NALF1: variants seen among roughly 807,000 people sequenced by gnomAD.
NALF1 encodes the protein family with sequence similarity 155 member A.
NALF1 carries 3 observed loss-of-function variants against 48.4 expected under a neutral mutation model. The ratio of observed to expected loss-of-function variants is 0.06; its 90% CI spans 0.03 to 0.16. The LOEUF (loss-of-function observed/expected upper bound fraction) is 0.16, where lower values mean the gene tolerates loss of function less well. Ranked by LOEUF, NALF1 falls within the 10% of genes least tolerant of loss-of-function variation. The probability of loss-of-function intolerance (pLI) is 1.00; values close to 1 mark genes in which losing one functional copy is unlikely to be tolerated. For synonymous variants in NALF1, 262 were observed against 245.7 expected (o/e 1.07, Z -0.62); for missense variants, 526 against 571.5 (o/e 0.92, Z 0.81).
intron 1 of NALF1, among the ~76,000 whole-genome samples, chr13:107,720,025 T>A (rs1180616961): frequency 6.6e-6 from 1 of 152,036 alleles, no homozygotes; most frequent in Non-Finnish European, 1.5e-5. Flanking sequence ...CCCAATATAC[T>A]CCCATCTTTC....
Position 107,643,659 on chromosome 13 carries a change from G to GT in NALF1, c.915+222022dup, listed in dbSNP as rs561889475. Among the ~76,000 whole-genome samples, 10 of 150,540 alleles carry GT rather than the reference G, an allele frequency of 6.6e-5. No individual in the cohort carries two copies. The East Asian group carries it at 1.9e-3, about 29-fold the overall frequency. On this transcript the variant is annotated intron_variant, in intron 1 of 2. Transcript: ENST00000375915. The stretch of plus-strand genomic sequence containing the variant: ...AATAAGCAATTTTATTTTCTTAATG[G>GT]TTTTTTAGTTTTCGAGTCTTTACAT...
chr13:107,429,323 A>G (rs78218553), intron 1 of NALF1, among the ~76,000 whole-genome samples: 1 of 76,126 alleles, frequency 1.3e-5, no homozygotes, highest in African/African-American at 4.4e-5. Flanking sequence ...ACTCAGTCTG[A>G]AAAAAAAAAA....
chr13:107,683,525 G>A (rs3858799), intron 1 of NALF1, among the ~76,000 whole-genome samples: 73,484 of 152,044 alleles, frequency 0.48, 19,032 homozygotes, highest in Middle Eastern at 0.66. Context: ...AGAATTAACC[G>A]AGCATTAGGT....
chr13:107,235,479 T>C (rs1044874422), intron 1 of NALF1, among the ~76,000 whole-genome samples: 1 of 152,162 alleles, frequency 6.6e-6, no homozygotes, highest in African/African-American at 2.4e-5. Context: ...GTCCATGAAA[T>C]TGGGGTAGTA....
At chr13:107,849,842 CT>C (rs1488797750) in intron 1 of NALF1, among the ~76,000 whole-genome samples, 17 of 152,138 alleles carry the variant, frequency 1.1e-4, no homozygotes, top group African/African-American at 4.1e-4. Flanking sequence ...CAATGCCTAT[CT>C]TTAAGAGTAC....
intron 1 of NALF1, among the ~76,000 whole-genome samples, chr13:107,854,238 C>G (rs1392101142): frequency 6.6e-6 from 1 of 152,212 alleles, no homozygotes; most frequent in East Asian, 1.9e-4. Flanking sequence ...TTCCGGGACC[C>G]ATAGAATATA....
At chr13:107,309,656 T>C (rs1406908938) in intron 1 of NALF1, among the ~76,000 whole-genome samples, 1 of 152,144 alleles carries the variant, frequency 6.6e-6, no homozygotes, top group African/African-American at 2.4e-5. Context: ...ATGTGGAGAT[T>C]GGTGGTTAAG....
intron 1 of NALF1, among the ~76,000 whole-genome samples, chr13:107,469,154 T>A (rs1234686854): frequency 6.6e-6 from 1 of 152,072 alleles, no homozygotes; most frequent in Admixed American, 6.6e-5. Context: ...AAATCAGTCA[T>A]AAAAAAAGGT....
chr13:107,859,914 CAA>C (rs778833499), intron 1 of NALF1, among the ~76,000 whole-genome samples: 193 of 66,444 alleles, frequency 2.9e-3, no homozygotes, highest in African/African-American at 8.3e-3. Context: ...AACTCCAACT[CAA>C]AAAAAAAAAA....
At chr13:107,679,584 G>A (rs1364705112) in intron 1 of NALF1, among the ~76,000 whole-genome samples, 1 of 152,196 alleles carries the variant, frequency 6.6e-6, no homozygotes, top group Non-Finnish European at 1.5e-5. Flanking sequence ...CTGATGGAGG[G>A]CATGCACCTT....
At chr13:107,586,953 C>G (rs1878478550) in intron 1 of NALF1, among the ~76,000 whole-genome samples, 1 of 151,956 alleles carries the variant, frequency 6.6e-6, no homozygotes, top group South Asian at 2.1e-4. Context: ...TAGAGCCATG[C>G]ATTAGTAGAT....
chr13:107,170,828 C>T (rs1331304247), intron 2 of NALF1, 42 bp from the exon 3 acceptor site: 13 of 1,571,450 alleles, frequency 8.3e-6, no homozygotes, highest in Non-Finnish European at 1.1e-5. Context: ...GAAGGAAATA[C>T]ATTTGCGACA....
chr13:107,278,340 C>A (rs1005970692), intron 1 of NALF1, among the ~76,000 whole-genome samples: 2 of 152,208 alleles, frequency 1.3e-5, no homozygotes, highest in African/African-American at 4.8e-5. Flanking sequence ...ATTGGAATCA[C>A]TCTTGACAAG....
At chr13:107,330,407 CTTA>C (rs1410456983) in intron 1 of NALF1, among the ~76,000 whole-genome samples, 1 of 152,166 alleles carries the variant, frequency 6.6e-6, no homozygotes, top group Non-Finnish European at 1.5e-5. Context: ...TATTCCTGGT[CTTA>C]TTATGAAATT....
chr13:107,195,793 A>G (rs1251620745), intron 2 of NALF1, among the ~76,000 whole-genome samples: 1 of 152,244 alleles, frequency 6.6e-6, no homozygotes, highest in African/African-American at 2.4e-5. Context: ...TTAGTAGGAA[A>G]AATATTATAC....
At chr13:107,218,598 G>A (rs1421738510) in intron 1 of NALF1, among the ~76,000 whole-genome samples, 2 of 147,712 alleles carry the variant, frequency 1.4e-5, no homozygotes, top group Non-Finnish European at 3.0e-5. Flanking sequence ...GGCCGTTATT[G>A]AAGGCCGAAA....
intron 1 of NALF1, among the ~76,000 whole-genome samples, chr13:107,222,734 G>A (rs530427512): frequency 6.6e-6 from 1 of 152,178 alleles, no homozygotes; most frequent in Non-Finnish European, 1.5e-5. Flanking sequence ...GACTAGGCAA[G>A]ACCCGAATAT....
At chr13:107,379,374 A>C (rs1040323063) in intron 1 of NALF1, among the ~76,000 whole-genome samples, 5 of 152,150 alleles carry the variant, frequency 3.3e-5, no homozygotes, top group Admixed American at 6.6e-5. Flanking sequence ...GTAACTCTCC[A>C]TTAGTTTCTC....
In NALF1 at chr13:107,242,030, C is replaced by A. The variant is rs572812580; in HGVS notation, c.916-31275G>T. Among the ~76,000 whole-genome samples, 38 of 152,286 alleles carry A rather than the reference C, an allele frequency of 2.5e-4. 1 individual carries two copies. Among genetic ancestry groups the A allele is most frequent in the Non-Finnish European group, 4.4e-4 (30 of 68,032 alleles). ...AAACATTATTTTCCTATTGGCACTG[C>A]TTCTGCTATTGAAAATAAAAACAAG... On this transcript the variant is annotated intron_variant, in intron 1 of 2. Coordinates refer to ENST00000375915, the MANE Select transcript of NALF1 (RefSeq NM_001080396.3).
Sources: gnomAD v4.1 joint callset for allele counts (sites outside exome capture counted in the v4.1 genomes callset) on GRCh38, gnomAD v4.1.1 for gene constraint, MANE v1.5 for transcripts, NCBI Gene and HGNC (gene_info 2026-07-23, HGNC 2026-07-21) for gene names.